The following PRPF6 variants were observed in gnomAD, a reference collection of about 807,000 sequenced individuals.
PRPF6 encodes the protein pre-mRNA processing factor 6, also known as pre-mRNA-processing factor 6.
Under a neutral mutation model 118.3 loss-of-function variants are expected in PRPF6, and 42 were observed. That is an observed-to-expected ratio of 0.35 (90% CI 0.28 to 0.46). PRPF6 has a LOEUF of 0.46. PRPF6 is among the 20% of genes least tolerant of loss of function. PRPF6 has a pLI of 1.00. For missense variants in PRPF6, 662 were observed against 1,255.7 expected, an observed-to-expected ratio of 0.53 and a Z score of 7.15; for synonymous variants, 481 against 485.1, an observed-to-expected ratio of 0.99 and a Z score of 0.11.
At position 63,999,587 on chromosome 20, in the gene PRPF6, A is replaced by G. The variant is rs1569215477; in HGVS notation, c.867-16A>G. Reference sequence around the variant, plus strand: ...GACAGCATGGCCTGATGCCGTGTGCACTCTCCCTCTCATAGTGATATCAAG... The same window carrying G: ...GACAGCATGGCCTGATGCCGTGTGCGCTCTCCCTCTCATAGTGATATCAAG... On this transcript the variant is annotated splice_polypyrimidine_tract_variant and intron_variant, in intron 7 of 20. Transcript: ENST00000266079. 5.6e-6 allele frequency: 9 copies of G among 1,613,380 alleles called. No individual in the cohort carries two copies. Among genetic ancestry groups the G allele is most frequent in the Non-Finnish European group, 6.8e-6 (8 of 1,179,954 alleles).
At chr20:63,984,843 G>A (rs1601507025) in intron 2 of PRPF6, 64 bp from the exon 3 acceptor site, 3 of 1,183,654 alleles carry the variant, frequency 2.5e-6, no homozygotes, top group East Asian at 2.4e-5. Context: ...AGAGATCTCC[G>A]TTTCGCTGGT....
chr20:63,996,905 G>T (rs569400125), intron 6 of PRPF6, among the ~76,000 whole-genome samples: 18 of 152,234 alleles, frequency 1.2e-4, no homozygotes, highest in Admixed American at 3.9e-4. Flanking sequence ...CACCAGCCTG[G>T]GTTACGGAGT....
intron 9 of PRPF6, among the ~76,000 whole-genome samples, chr20:64,004,235 C>G (rs1000443068): frequency 2.0e-5 from 3 of 152,188 alleles, no homozygotes; most frequent in Non-Finnish European, 4.4e-5. Flanking sequence ...CACGGCTGTT[C>G]TCTCAGGGAG....
rs77495240 is a variant in PRPF6 at position 63,998,104 on chromosome 20, T to G, written c.772-941T>G. 4.5e-3 allele frequency among the ~76,000 whole-genome samples: 679 copies of G among 151,502 alleles called. 6 individuals carry two copies. Among genetic ancestry groups the G allele is most frequent in the African/African-American group, 0.016 (651 of 41,354 alleles). On this transcript the variant is annotated intron_variant, in intron 6 of 20. Coordinates refer to ENST00000266079, the MANE Select transcript of PRPF6 (RefSeq NM_012469.4). ...TCTTTTTTAATAAAAATTTTATTTA[T>G]TTTTTTTTGAGACGGGGTCTTGCTC...
rs1210183878 is a variant in PRPF6 at position 64,026,764 on chromosome 20, C to T, written c.2029-218C>T. 1.3e-5 allele frequency among the ~76,000 whole-genome samples: 2 copies of T among 152,176 alleles called. No individual in the cohort carries two copies. The highest frequency in any genetic ancestry group is 2.9e-5 in the Non-Finnish European group (2 of 68,038). On this transcript the variant is annotated intron_variant, in intron 15 of 20. Coordinates refer to ENST00000266079, the MANE Select transcript of PRPF6 (RefSeq NM_012469.4). The surrounding 1 kb of genome is among the most constrained non-coding windows in gnomAD (Gnocchi z 4.4). ...GCAGTGAGCCGAGATCGTGCCACTG[C>T]ACTCCAGCCTGGGTGACAGAGCGAG...
chr20:64,027,544 G>A lies in PRPF6; in HGVS notation c.2206-59G>A, dbSNP rs1196531418. 1.2e-6 allele frequency: 2 copies of A among 1,611,790 alleles called. No individual in the cohort carries two copies. The highest frequency in any genetic ancestry group is 1.7e-6 in the Non-Finnish European group (2 of 1,178,318). On this transcript the variant is annotated intron_variant, in intron 16 of 20. Coordinates refer to ENST00000266079, the MANE Select transcript of PRPF6 (RefSeq NM_012469.4). This position sits in a 1 kb window ranked among gnomAD's most constrained non-coding sequence, Gnocchi z 6.5. ...CACTGCAGATGAGAAGCTGGGCATG[G>A]CTGTGTCCCAGTTCTTCATAGACAC...
At chr20:64,006,607 A>G (rs2059190715) in intron 9 of PRPF6, among the ~76,000 whole-genome samples, 2 of 152,168 alleles carry the variant, frequency 1.3e-5, no homozygotes, top group Non-Finnish European at 2.9e-5. Flanking sequence ...AATGTGAGCC[A>G]CCACACCCGG....
intron 3 of PRPF6, among the ~76,000 whole-genome samples, chr20:63,988,952 G>A (rs914711363): frequency 1.3e-4 from 19 of 151,866 alleles, no homozygotes; most frequent in Non-Finnish European, 2.4e-4. Context: ...GCTATCCTGA[G>A]CAAAAGGAAC....
At chr20:64,007,996 C>T (rs1004998339) in intron 9 of PRPF6, among the ~76,000 whole-genome samples, 2 of 152,156 alleles carry the variant, frequency 1.3e-5, no homozygotes, top group African/African-American at 2.4e-5. Flanking sequence ...ACGCTGGTCT[C>T]GAACTCCTGA....
chr20:64,027,790 G>C lies in PRPF6; in HGVS notation c.2339+54G>C. ...CTGGGCACAGCTTCCCCATCAGGTGGGCCGCCGTCACCCAGCTGCTTGTGT... is the reference window on the plus strand; with the variant it reads ...CTGGGCACAGCTTCCCCATCAGGTGCGCCGCCGTCACCCAGCTGCTTGTGT... On this transcript the variant is annotated intron_variant, in intron 17 of 20. Coordinates refer to ENST00000266079, the MANE Select transcript of PRPF6 (RefSeq NM_012469.4). The surrounding 1 kb of genome is among the most constrained non-coding windows in gnomAD (Gnocchi z 6.5). 1 of 1,610,588 alleles carries C rather than the reference G, an allele frequency of 6.2e-7. No individual in the cohort carries two copies. Among genetic ancestry groups the C allele is most frequent in the Non-Finnish European group, 8.5e-7 (1 of 1,178,476 alleles).
intron 11 of PRPF6, among the ~76,000 whole-genome samples, chr20:64,014,773 C>T (rs925176815): frequency 6.6e-6 from 1 of 152,212 alleles, no homozygotes; most frequent in African/African-American, 2.4e-5. Context: ...CTACCTTAGC[C>T]TACAGTTGGG....
intron 3 of PRPF6, 136 bp from the exon 4 acceptor site, chr20:63,993,271 T>C: frequency 2.2e-6 from 1 of 454,088 alleles, no homozygotes; most frequent in South Asian, 2.0e-5. Context: ...TGTATATGTA[T>C]ATATATATAT....
intron 2 of PRPF6, among the ~76,000 whole-genome samples, 159 bp from the exon 3 acceptor site, chr20:63,984,748 A>G (rs114895875): frequency 6.6e-6 from 1 of 152,296 alleles, no homozygotes; most frequent in African/African-American, 2.4e-5. Flanking sequence ...TGACGCTTGA[A>G]GAGTAGTCAC....
rs139828718 is a variant in PRPF6 at position 64,011,347 on chromosome 20, G to C, written c.1368G>C (p.Ala456=). 6 of 1,614,194 alleles carry C rather than the reference G, an allele frequency of 3.7e-6. No individual in the cohort carries two copies. In the East Asian group the frequency reaches 6.7e-5, roughly 18 times the overall value. The change falls in exon 11 of 21, where the codon GCG becomes GCC. Residue 456 remains alanine (A), a synonymous_variant. Coordinates refer to ENST00000266079, the MANE Select transcript of PRPF6 (RefSeq NM_012469.4). The surrounding 1 kb of genome is among the most constrained non-coding windows in gnomAD (Gnocchi z 6.7). ...YENARKVLNK[A]RENIPTDRHI... is the part of the protein sequence containing the mutation. ...ATGCCCGCAAGGTCTTGAACAAGGC[G>C]CGGGAGAACATTCCTACAGACCGAC...
At chr20:64,000,863 G>A (rs569850099) in intron 8 of PRPF6, among the ~76,000 whole-genome samples, 127 of 152,276 alleles carry the variant, frequency 8.3e-4, no homozygotes, top group African/African-American at 2.9e-3. Flanking sequence ...CACCGCGCCC[G>A]GCCATTAGGT....
At position 64,027,841 on chromosome 20, in the gene PRPF6, G is replaced by T; in HGVS notation, c.2339+105G>T. The T allele has an allele frequency of 6.6e-7, 1 of 1,524,130 alleles. No homozygotes were observed. Among genetic ancestry groups the T allele is most frequent in the Non-Finnish European group, 9.1e-7 (1 of 1,102,758 alleles). 94.4% of individuals were successfully genotyped at this position (1,524,130 alleles called of 1,614,324 possible). ...GGAGTCACTCGTGCAGTGCTTCCAG[G>T]CTCAGGGGCTTGGGGGGCGGTAGGT... On this transcript the variant is annotated intron_variant, in intron 17 of 20. Coordinates refer to ENST00000266079, the MANE Select transcript of PRPF6 (RefSeq NM_012469.4). This position sits in a 1 kb window ranked among gnomAD's most constrained non-coding sequence, Gnocchi z 6.5.
chr20:64,032,152 C>T (rs2059317814), intron 20 of PRPF6, 108 bp downstream of exon 20: 12 of 1,554,276 alleles, frequency 7.7e-6, no homozygotes, highest in African/African-American at 5.4e-5. Flanking sequence ...TGACTCTGCC[C>T]GGGGTCGGGA....
At chr20:64,021,521 G>A (rs938680303) in intron 12 of PRPF6, among the ~76,000 whole-genome samples, 2 of 149,730 alleles carry the variant, frequency 1.3e-5, no homozygotes, top group Non-Finnish European at 2.9e-5. Context: ...GTGCATGTAT[G>A]CATATGCCTC....
At chr20:64,004,227 C>T (rs754942718) in intron 9 of PRPF6, among the ~76,000 whole-genome samples, 28 of 152,146 alleles carry the variant, frequency 1.8e-4, no homozygotes, top group Non-Finnish European at 3.4e-4. Flanking sequence ...TGTGTTTCCA[C>T]GGCTGTTCTC....
Sources: gnomAD v4.1 joint callset for allele counts (sites outside exome capture counted in the v4.1 genomes callset) on GRCh38, gnomAD v4.1.1 for gene constraint, Gnocchi (gnomAD v3.1) non-coding constraint, MANE v1.5 for transcripts, NCBI Gene and HGNC (gene_info 2026-07-23, HGNC 2026-07-21) for gene names.